Variants in FRMD4B observed in about 807,000 individuals in gnomAD.
FRMD4B encodes FERM domain-containing protein 4B.
FRMD4B carries 74 observed loss-of-function variants against 141.5 expected under a neutral mutation model. The ratio of observed to expected loss-of-function variants is 0.52; its 90% CI spans 0.43 to 0.63. FRMD4B has a LOEUF of 0.63. Ranked by LOEUF, FRMD4B falls within the 30% of genes least tolerant of loss-of-function variation. FRMD4B has a pLI of 0.00. For synonymous variants in FRMD4B, 506 were observed against 467.9 expected (o/e 1.08, Z -1.05); for missense variants, 1,366 against 1,253.4 (o/e 1.09, Z -1.36).
In FRMD4B at chr3:69,200,587, T is replaced by C. The variant is rs1055531592; in HGVS notation, c.877-1813A>G. The C allele has an allele frequency of 9.3e-6, 11 of 1,182,036 alleles. No individual in the cohort carries two copies. The African/African-American group carries it at 9.6e-5, about 10-fold the overall frequency. The allele number at this position is 1,182,036 out of a possible 1,614,324, so 73.2% of individuals were successfully genotyped here. ...TCCCACGGCTGACACACTACTGACA[T>C]CAGCAACTCTCCTGAGTGACACCTC... On this transcript the variant is annotated intron_variant, in intron 11 of 22. Transcript: ENST00000398540.
intron 7 of FRMD4B, among the ~76,000 whole-genome samples, chr3:69,244,763 A>G (rs2093411502): frequency 6.6e-6 from 1 of 151,110 alleles, no homozygotes; most frequent in Admixed American, 6.6e-5. Flanking sequence ...GCATGGTTGT[A>G]TGTGCCTGTA....
chr3:69,533,521 G>A (rs55997571), intron 1 of FRMD4B, among the ~76,000 whole-genome samples: 34,433 of 152,116 alleles, frequency 0.23, 4,055 homozygotes, highest in Admixed American at 0.27. Context: ...ACTTATAGGG[G>A]CTCAATAAAA....
At chr3:69,476,240 G>T (rs1291205145) in intron 1 of FRMD4B, among the ~76,000 whole-genome samples, 1 of 151,892 alleles carries the variant, frequency 6.6e-6, no homozygotes, top group Non-Finnish European at 1.5e-5. Flanking sequence ...GGCTTTTGTT[G>T]CCATTGCCTT....
At chr3:69,475,055 G>A (rs1259374201) in intron 1 of FRMD4B, among the ~76,000 whole-genome samples, 1 of 152,166 alleles carries the variant, frequency 6.6e-6, no homozygotes, top group South Asian at 2.1e-4. Context: ...GACCTCGGGT[G>A]TGTGCCCTTA....
intron 9 of FRMD4B, among the ~76,000 whole-genome samples, chr3:69,218,601 T>C (rs1002566013): frequency 6.6e-6 from 1 of 152,210 alleles, no homozygotes. Context: ...CATAAAGCTA[T>C]AGAAAATGTT....
chr3:69,418,065 C>T (rs1704900407), intron 2 of FRMD4B, among the ~76,000 whole-genome samples: 2 of 152,122 alleles, frequency 1.3e-5, no homozygotes, highest in Non-Finnish European at 2.9e-5. Context: ...AGAAACTTAA[C>T]CACATCTGCA....
intron 3 of FRMD4B, chr3:69,310,533 C>T (rs1213759251): frequency 2.2e-6 from 1 of 449,374 alleles, no homozygotes; most frequent in African/African-American, 2.2e-5. Flanking sequence ...ATAAAAAAGA[C>T]AGACAGATAC....
chr3:69,422,187 C>T (rs866736929), intron 2 of FRMD4B, among the ~76,000 whole-genome samples: 2 of 151,974 alleles, frequency 1.3e-5, no homozygotes, highest in Middle Eastern at 3.4e-3. Context: ...GTCAGAAGAT[C>T]GAGGCCATTC....
chr3:69,413,966 T>C (rs996827406), intron 2 of FRMD4B, among the ~76,000 whole-genome samples: 1 of 152,244 alleles, frequency 6.6e-6, no homozygotes, highest in Non-Finnish European at 1.5e-5. Flanking sequence ...TGGAACCTTC[T>C]GGAATTTCTC....
intron 7 of FRMD4B, among the ~76,000 whole-genome samples, chr3:69,227,594 G>A (rs1032607751): frequency 6.6e-5 from 10 of 151,836 alleles, no homozygotes; most frequent in Admixed American, 5.3e-4. Context: ...CCCAGGAGGC[G>A]GAAGTTGCAG....
chr3:69,430,459 T>C (rs1281346111), intron 2 of FRMD4B, among the ~76,000 whole-genome samples: 1 of 152,238 alleles, frequency 6.6e-6, no homozygotes, highest in East Asian at 1.9e-4. Flanking sequence ...TCTGAGCCTC[T>C]AGCACTGTTG....
intron 2 of FRMD4B, among the ~76,000 whole-genome samples, chr3:69,398,459 G>A (rs1241031929): frequency 6.6e-6 from 1 of 152,166 alleles, no homozygotes; most frequent in South Asian, 2.1e-4. Flanking sequence ...GTTAATTACA[G>A]TCATCCTACA....
Position 69,180,906 on chromosome 3 carries a change from G to A in FRMD4B, c.2844C>T (p.Tyr948=), listed in dbSNP as rs763959803. ...TTTTTACAGTATTCTCACCTGAAGA[G>A]TACGAGGATGCACGACTGCTTGGAG... ...PCSPSSRASS[Y]SSVSSTNASG... Residue 948 remains tyrosine (Y), a synonymous_variant, in exon 21 of 23, where the codon TAC becomes TAT. Transcript: ENST00000398540. 1.9e-6 allele frequency: 3 copies of A among 1,599,542 alleles called. No individual in the cohort carries two copies. The African/African-American group carries it at 4.0e-5, about 21-fold the overall frequency.
intron 5 of FRMD4B, among the ~76,000 whole-genome samples, chr3:69,281,809 G>C (rs2093645630): frequency 8.6e-6 from 1 of 115,754 alleles, no homozygotes; most frequent in African/African-American, 3.2e-5. Context: ...GGGTGACAGA[G>C]TAAGACTCCG....
chr3:69,444,311 T>C (rs762667933), intron 1 of FRMD4B, among the ~76,000 whole-genome samples: 3 of 152,128 alleles, frequency 2.0e-5, no homozygotes, highest in Non-Finnish European at 2.9e-5. Context: ...GAAGAACACA[T>C]TTGGGTGATT....
chr3:69,293,298 C>G (rs1700931212), intron 4 of FRMD4B, among the ~76,000 whole-genome samples: 1 of 151,858 alleles, frequency 6.6e-6, no homozygotes, highest in South Asian at 2.1e-4. Context: ...CAAGTCAACA[C>G]TAGGGAGTGG....
chr3:69,434,806 T>C (rs1277511414), intron 1 of FRMD4B, among the ~76,000 whole-genome samples: 1 of 152,202 alleles, frequency 6.6e-6, no homozygotes, highest in Non-Finnish European at 1.5e-5. Context: ...TCACGCACTA[T>C]ATTAGTTTGC....
At chr3:69,367,364 C>A (rs1345880751) in intron 1 of FRMD4B, among the ~76,000 whole-genome samples, 3 of 152,156 alleles carry the variant, frequency 2.0e-5, no homozygotes, top group Non-Finnish European at 2.9e-5. Context: ...ATAATTTGGG[C>A]TATACATGTC....
chr3:69,503,026 C>T (rs1356947107), intron 1 of FRMD4B, among the ~76,000 whole-genome samples: 3 of 152,158 alleles, frequency 2.0e-5, no homozygotes, highest in Non-Finnish European at 4.4e-5. Flanking sequence ...ATTAAAAAGT[C>T]AGGAAACAAC....
Sources: gnomAD v4.1 joint callset for allele counts (sites outside exome capture counted in the v4.1 genomes callset) on GRCh38, gnomAD v4.1.1 for gene constraint, MANE v1.5 for transcripts, NCBI Gene and HGNC (gene_info 2026-07-23, HGNC 2026-07-21) for gene names.